The following NXNL2 variants were observed in gnomAD, a reference collection of about 807,000 sequenced individuals.
NXNL2 encodes the protein nucleoredoxin-like protein 2.
A neutral mutation model predicts 11.1 loss-of-function variants in NXNL2; 7 were observed. The ratio of observed to expected loss-of-function variants is 0.63; its 90% CI spans 0.36 to 1.18. The LOEUF is 1.18. Ranked by LOEUF, NXNL2 falls within the 50% of genes most tolerant of loss-of-function variation. The pLI, the probability that NXNL2 is intolerant of heterozygous loss-of-function variation, is 0.02. For missense variants in NXNL2, 233 were observed against 217.7 expected (o/e 1.07, Z -0.44); for synonymous variants, 109 against 101.8 (o/e 1.07, Z -0.42).
At chr9:88,568,022 G>A (rs902140928) in intron 1 of NXNL2, among the ~76,000 whole-genome samples, 4 of 152,148 alleles carry the variant, frequency 2.6e-5, no homozygotes, top group Non-Finnish European at 4.4e-5. Context: ...TACCCCTAAG[G>A]TTGTGTTCTT....
At chr9:88,557,101 AAAAG>A (rs1564072119) in intron 1 of NXNL2, among the ~76,000 whole-genome samples, 12 of 144,008 alleles carry the variant, frequency 8.3e-5, no homozygotes, top group African/African-American at 2.6e-4. Flanking sequence ...AAAAAAAAAA[AAAAG>A]AAAGATGTTG....
Position 88,556,682 on chromosome 9 carries a change from A to T in NXNL2, c.303-14405A>T, listed in dbSNP as rs146900773. ...GTCTATGGCTTGAAGATCAGGTTTC[A>T]TTGGGGACCTGCCCCTGTCTGCCTA... is the stretch of plus-strand genomic sequence containing the variant. On this transcript the variant is annotated intron_variant, in intron 1 of 2. Transcript: ENST00000375855. 4.8e-3 allele frequency among the ~76,000 whole-genome samples: 729 copies of T among 152,208 alleles called. 8 individuals are homozygous for T. Among genetic ancestry groups the T allele is most frequent in the African/African-American group, 0.016 (683 of 41,522 alleles).
intron 1 of NXNL2, among the ~76,000 whole-genome samples, chr9:88,552,503 C>T (rs370933415): frequency 1.4e-5 from 2 of 140,394 alleles, no homozygotes; most frequent in African/African-American, 5.7e-5. Flanking sequence ...GATGGAGTCT[C>T]GCTCTGTCAC....
At chr9:88,582,424 G>T (rs534635367) in intron 1 of NXNL2, among the ~76,000 whole-genome samples, 2 of 152,018 alleles carry the variant, frequency 1.3e-5, no homozygotes, top group African/African-American at 4.8e-5. Context: ...AGCCGAGATC[G>T]CACCACTGCA....
At chr9:88,540,934 G>GTTTTT (rs1829743962) in intron 1 of NXNL2, among the ~76,000 whole-genome samples, 1 of 105,434 alleles carries the variant, frequency 9.5e-6, no homozygotes, top group African/African-American at 6.1e-5. Context: ...AATCTCAGTA[G>GTTTTT]ATTTTTTTTT....
chr9:88,546,414 CTTTTTTT>C (rs956682156), downstream of NXNL2, among the ~76,000 whole-genome samples: 5 of 110,140 alleles, frequency 4.5e-5, no homozygotes, highest in Non-Finnish European at 8.8e-5. Flanking sequence ...AAGACACATT[CTTTTTTT>C]TTTTTTTTTT....
At chr9:88,541,051 T>G (rs963254310) in intron 1 of NXNL2, among the ~76,000 whole-genome samples, 1 of 137,380 alleles carries the variant, frequency 7.3e-6, no homozygotes, top group Non-Finnish European at 1.5e-5. Context: ...GTTCAAGCGA[T>G]CCTCATGCCT....
chr9:88,548,722 T>A (rs1829886673), downstream of NXNL2, among the ~76,000 whole-genome samples: 1 of 151,438 alleles, frequency 6.6e-6, no homozygotes, highest in Admixed American at 6.6e-5. Context: ...TATCTGGCTG[T>A]TTGCTTTGTG....
At chr9:88,558,796 G>T (rs1024265599) in intron 1 of NXNL2, among the ~76,000 whole-genome samples, 3 of 152,182 alleles carry the variant, frequency 2.0e-5, no homozygotes, top group African/African-American at 7.2e-5. Flanking sequence ...TCAGAAGTGA[G>T]TGGTGAGTGG....
chr9:88,574,875 T>C (rs1830326191), intron 2 of NXNL2, among the ~76,000 whole-genome samples: 1 of 152,184 alleles, frequency 6.6e-6, no homozygotes, highest in South Asian at 2.1e-4. Flanking sequence ...TCTGAGCACA[T>C]GTGTTTGCAG....
chr9:88,544,398 A>G lies in NXNL2; in HGVS notation c.322A>G (p.Asn108Asp). ...PYRHELRKRY[N>D]VTAIPKLVIV... is the part of the protein sequence containing the mutation. ...CTGCAGTGAGCTGAGGAAGAGGTAC[A>G]ACGTCACAGCCATCCCCAAGCTTGT... Residue 108 changes from asparagine to aspartate, a missense_variant, in exon 2 of 2, where the codon AAC becomes GAC. Physicochemically the swap from Asn to Asp is conservative, Grantham distance 23. Coordinates refer to ENST00000375854, the MANE Select transcript of NXNL2 (RefSeq NM_001161625.2). The G allele has an allele frequency of 6.4e-7, 1 of 1,551,930 alleles. No individual in the cohort carries two copies.
intron 1 of NXNL2, among the ~76,000 whole-genome samples, chr9:88,537,367 G>A (rs1380745123): frequency 6.6e-6 from 1 of 152,208 alleles, no homozygotes; most frequent in Non-Finnish European, 1.5e-5. Context: ...TGGGGCCATG[G>A]AGACTGCTCG....
downstream of NXNL2, among the ~76,000 whole-genome samples, chr9:88,548,433 G>T (rs1030445477): frequency 6.8e-6 from 1 of 146,316 alleles, no homozygotes; most frequent in East Asian, 2.2e-4. Context: ...GGAGGCCAAG[G>T]TGTGTGGATC....
At chr9:88,562,981 G>A (rs757139247) in intron 1 of NXNL2, among the ~76,000 whole-genome samples, 7 of 148,588 alleles carry the variant, frequency 4.7e-5, no homozygotes, top group Admixed American at 4.7e-4. Context: ...CCAGCTACTC[G>A]GGAGGCTGAG....
At chr9:88,558,727 C>T (rs1014096165) in intron 1 of NXNL2, among the ~76,000 whole-genome samples, 28 of 152,140 alleles carry the variant, frequency 1.8e-4, no homozygotes, top group African/African-American at 6.8e-4. Flanking sequence ...ATAAGACTCC[C>T]AGCTGGTGTC....
chr9:88,539,156 C>T (rs1013561441), intron 1 of NXNL2, among the ~76,000 whole-genome samples: 3 of 152,226 alleles, frequency 2.0e-5, no homozygotes, highest in African/African-American at 7.2e-5. Flanking sequence ...ACCACCAGAT[C>T]TTGGGCACTG....
intron 1 of NXNL2, among the ~76,000 whole-genome samples, chr9:88,565,241 T>G (rs1830151609): frequency 6.6e-6 from 1 of 152,234 alleles, no homozygotes; most frequent in Non-Finnish European, 1.5e-5. Context: ...GTGTACCACA[T>G]GTTTTATCCA....
downstream of NXNL2, among the ~76,000 whole-genome samples, chr9:88,577,468 G>A (rs1036731605): frequency 2.6e-5 from 4 of 152,074 alleles, no homozygotes; most frequent in Admixed American, 2.6e-4. Context: ...GATACCACAG[G>A]CTGGGGGCTC....
At chr9:88,566,949 A>G (rs1830178778) in intron 1 of NXNL2, among the ~76,000 whole-genome samples, 1 of 150,342 alleles carries the variant, frequency 6.7e-6, no homozygotes, top group Non-Finnish European at 1.5e-5. Flanking sequence ...ATCATTTCTA[A>G]TCTATCATCT....
Sources: gnomAD v4.1 joint callset for allele counts (sites outside exome capture counted in the v4.1 genomes callset) on GRCh38, gnomAD v4.1.1 for gene constraint, MANE v1.5 for transcripts, NCBI Gene and HGNC (gene_info 2026-07-23, HGNC 2026-07-21) for gene names.